The following CACNB2 variants were observed in gnomAD, a reference collection of about 807,000 sequenced individuals.
CACNB2 encodes the protein calcium voltage-gated channel auxiliary subunit beta 2.
CACNB2 carries 42 observed loss-of-function variants against 73.3 expected under a neutral mutation model. That is an observed-to-expected ratio of 0.57 (90% CI 0.45 to 0.74). The LOEUF is 0.74. Ranked by LOEUF, CACNB2 falls within the 30% of genes least tolerant of loss-of-function variation. The pLI, the probability that CACNB2 is intolerant of heterozygous loss-of-function variation, is 0.00. For synonymous variants in CACNB2, 348 were observed against 310.3 expected, an observed-to-expected ratio of 1.12 and a Z score of -1.28; for missense variants, 940 against 853.0, an observed-to-expected ratio of 1.10 and a Z score of -1.27.
At chr10:18,289,117 A>G (rs1476725415) in intron 2 of CACNB2, among the ~76,000 whole-genome samples, 2 of 152,034 alleles carry the variant, frequency 1.3e-5, no homozygotes, top group African/African-American at 4.8e-5. Context: ...TCTGATTTTG[A>G]ACTGATTAAA....
At chr10:18,462,136 A>G (rs1479186788) in intron 3 of CACNB2, among the ~76,000 whole-genome samples, 1 of 152,150 alleles carries the variant, frequency 6.6e-6, no homozygotes, top group African/African-American at 2.4e-5. Context: ...CTTTCTCCAG[A>G]GCTTTGTAAA....
intron 2 of CACNB2, among the ~76,000 whole-genome samples, chr10:18,392,237 C>G (rs1012227): frequency 0.31 from 46,793 of 151,544 alleles, 7,511 homozygotes; most frequent in East Asian, 0.61. Context: ...GAGGACGTTA[C>G]TAACAAAGGA....
At chr10:18,167,124 A>G (rs1408226555) in intron 2 of CACNB2, among the ~76,000 whole-genome samples, 4 of 152,210 alleles carry the variant, frequency 2.6e-5, no homozygotes, top group Admixed American at 2.0e-4. Context: ...CTTAAAAAAG[A>G]ATGAAATCAT....
intron 2 of CACNB2, among the ~76,000 whole-genome samples, chr10:18,220,374 C>G (rs1439324295): frequency 1.3e-5 from 2 of 149,264 alleles, no homozygotes; most frequent in East Asian, 4.0e-4. Context: ...ATTCTCCTGT[C>G]TCAGCCTCCC....
intron 2 of CACNB2, among the ~76,000 whole-genome samples, chr10:18,302,716 G>C (rs1184043842): frequency 6.6e-6 from 1 of 152,172 alleles, no homozygotes; most frequent in Non-Finnish European, 1.5e-5. Flanking sequence ...AGGGTGGGAA[G>C]GGGGTGAGGG....
Position 18,317,650 on chromosome 10 carries a change from G to C in CACNB2, c.214-84274G>C, listed in dbSNP as rs376870078. Among the ~76,000 whole-genome samples, 16 of 152,244 alleles carry C rather than the reference G, an allele frequency of 1.1e-4. No homozygotes were observed. The South Asian group carries it at 1.5e-3, about 14-fold the overall frequency. On this transcript the variant is annotated intron_variant, in intron 2 of 13. Transcript: ENST00000324631. ...CCAGTGCACCAGCAACAGGTGCCTG[G>C]GTTGATTCCTCATCTTGGCTATTGT...
At chr10:18,184,019 C>G (rs991548183) in intron 2 of CACNB2, among the ~76,000 whole-genome samples, 7 of 152,120 alleles carry the variant, frequency 4.6e-5, no homozygotes, top group African/African-American at 1.4e-4. Flanking sequence ...AGTGTTAATC[C>G]AAGAAAAATG....
intron 4 of CACNB2, among the ~76,000 whole-genome samples, chr10:18,499,863 G>A (rs982640392): frequency 1.3e-5 from 2 of 150,746 alleles, no homozygotes; most frequent in Non-Finnish European, 2.9e-5. Flanking sequence ...GGTAGTCCTA[G>A]CTACTCAGGA....
chr10:18,247,876 G>A (rs2036929690), intron 2 of CACNB2, among the ~76,000 whole-genome samples: 1 of 152,148 alleles, frequency 6.6e-6, no homozygotes, highest in Non-Finnish European at 1.5e-5. Flanking sequence ...ATGACATAGA[G>A]TACCTCTGAT....
intron 2 of CACNB2, among the ~76,000 whole-genome samples, chr10:18,232,433 G>A (rs561453363): frequency 4.6e-5 from 7 of 152,298 alleles, no homozygotes; most frequent in Non-Finnish European, 1.0e-4. Context: ...AGGTTTAACC[G>A]TGTAGCCTTC....
chr10:18,335,843 A>C (rs2040985553), intron 2 of CACNB2, among the ~76,000 whole-genome samples: 1 of 151,694 alleles, frequency 6.6e-6, no homozygotes, highest in Admixed American at 6.6e-5. Flanking sequence ...ACAGTTATTT[A>C]GTAGTAGAAA....
chr10:18,175,778 C>T (rs923243154), intron 2 of CACNB2, among the ~76,000 whole-genome samples: 2 of 151,986 alleles, frequency 1.3e-5, no homozygotes, highest in South Asian at 2.1e-4. Flanking sequence ...TTGTATTTTT[C>T]GTAGAGATGG....
At chr10:18,304,531 A>T (rs768413294) in intron 2 of CACNB2, among the ~76,000 whole-genome samples, 4 of 151,484 alleles carry the variant, frequency 2.6e-5, no homozygotes, top group Non-Finnish European at 4.4e-5. Flanking sequence ...TTTTTTTCCC[A>T]ATGTAACCTA....
At chr10:18,251,588 T>G (rs1489815493) in intron 2 of CACNB2, among the ~76,000 whole-genome samples, 2 of 152,192 alleles carry the variant, frequency 1.3e-5, no homozygotes, top group Non-Finnish European at 2.9e-5. Flanking sequence ...ACCCACTGTA[T>G]TAGTCCGTTC....
chr10:18,489,261 G>A (rs896837548), intron 3 of CACNB2, among the ~76,000 whole-genome samples: 6 of 151,792 alleles, frequency 4.0e-5, no homozygotes, highest in African/African-American at 1.5e-4. Context: ...ATGGTGGTGG[G>A]TGCCTATAAT....
At chr10:18,446,426 T>G (rs10828705) in intron 3 of CACNB2, among the ~76,000 whole-genome samples, 96,786 of 152,014 alleles carry the variant, frequency 0.64, 32,012 homozygotes, top group South Asian at 0.74. Context: ...GTTGCAATAC[T>G]TGGGCAGTAA....
chr10:18,496,185 C>CAAA (rs57139534), intron 3 of CACNB2, among the ~76,000 whole-genome samples: 12,851 of 83,682 alleles, frequency 0.15, 1,194 homozygotes, highest in Admixed American at 0.19. Flanking sequence ...GACTCAGTCT[C>CAAA]AAAAAAAAAA....
chr10:18,366,660 A>G (rs953015038), intron 2 of CACNB2, among the ~76,000 whole-genome samples: 3 of 152,038 alleles, frequency 2.0e-5, no homozygotes, highest in African/African-American at 4.8e-5. Flanking sequence ...CCTGGCCAAC[A>G]TGGTGAAACC....
intron 2 of CACNB2, among the ~76,000 whole-genome samples, chr10:18,169,258 AG>A (rs1254904899): frequency 6.6e-6 from 1 of 152,178 alleles, no homozygotes; most frequent in African/African-American, 2.4e-5. Flanking sequence ...GTGGTTTGGT[AG>A]GGCTAGAAAA....
Sources: allele counts gnomAD v4.1 joint callset (sites outside exome capture counted in the v4.1 genomes callset), GRCh38; gene constraint gnomAD v4.1.1; transcripts MANE v1.5; gene names NCBI Gene and HGNC (gene_info 2026-07-23, HGNC 2026-07-21).